The following PTPRG variants were observed in gnomAD, a reference collection of about 807,000 sequenced individuals.
PTPRG encodes the protein protein tyrosine phosphatase receptor type G.
In PTPRG, 102 loss-of-function variants were observed where a neutral mutation model predicts 165.3. That is an observed-to-expected ratio of 0.62 (90% CI 0.53 to 0.73). The LOEUF is 0.73. PTPRG is among the 30% of genes least tolerant of loss of function. The pLI, the probability that PTPRG is intolerant of heterozygous loss-of-function variation, is 0.00. For missense variants in PTPRG, 1,866 were observed against 1,861.4 expected, an observed-to-expected ratio of 1.00 and a Z score of -0.05; for synonymous variants, 675 against 669.5, an observed-to-expected ratio of 1.01 and a Z score of -0.13.
intron 2 of PTPRG, among the ~76,000 whole-genome samples, chr3:61,885,056 G>A (rs1344477416): frequency 6.6e-6 from 1 of 152,110 alleles, no homozygotes; most frequent in Non-Finnish European, 1.5e-5. Flanking sequence ...TTCATTGTCG[G>A]CTGTAGTAAA....
intron 6 of PTPRG, among the ~76,000 whole-genome samples, chr3:62,135,270 CAAAAAAAA>C (rs527679334): frequency 1.2e-5 from 1 of 81,122 alleles, no homozygotes; most frequent in Admixed American, 1.3e-4. Context: ...GATTCTGTCT[CAAAAAAAA>C]AAAAAAAAGA....
chr3:62,292,391 G>A (rs201805445), intron 28 of PTPRG, 30 bp from the exon 29 acceptor site: 7 of 1,599,550 alleles, frequency 4.4e-6, no homozygotes, highest in Non-Finnish European at 6.0e-6. Flanking sequence ...TTGTACATCT[G>A]AAATCGTATC....
intron 26 of PTPRG, 118 bp from the exon 27 acceptor site, chr3:62,281,445 G>C (rs1702433402): frequency 3.6e-6 from 3 of 839,366 alleles, no homozygotes; most frequent in African/African-American, 1.8e-5. Flanking sequence ...TAACTCTTAT[G>C]AATTCAGTTT....
chr3:61,951,796 T>C (rs2039905157), intron 2 of PTPRG, among the ~76,000 whole-genome samples: 1 of 152,182 alleles, frequency 6.6e-6, no homozygotes, highest in Non-Finnish European at 1.5e-5. Flanking sequence ...CTGACTGGTA[T>C]TAGCAAGTAA....
intron 3 of PTPRG, among the ~76,000 whole-genome samples, chr3:62,000,676 C>T (rs899653430): frequency 2.6e-5 from 4 of 152,342 alleles, no homozygotes; most frequent in African/African-American, 9.6e-5. Flanking sequence ...CCCGCTCTTC[C>T]TATTGTCCCT....
At chr3:61,927,046 A>T (rs1239158225) in intron 2 of PTPRG, among the ~76,000 whole-genome samples, 1 of 152,212 alleles carries the variant, frequency 6.6e-6, no homozygotes, top group Non-Finnish European at 1.5e-5. Flanking sequence ...CTGCATGAGT[A>T]CATATGACTG....
At chr3:62,139,349 CTCGGGAGGCTG>C (rs1215111802) in intron 6 of PTPRG, among the ~76,000 whole-genome samples, 4 of 152,060 alleles carry the variant, frequency 2.6e-5, no homozygotes, top group Non-Finnish European at 5.9e-5. Context: ...ATCTTAGCTA[CTCGGGAGGCTG>C]AGGCAGGAGA....
At chr3:61,607,606 CAG>C (rs1374045478) in intron 1 of PTPRG, among the ~76,000 whole-genome samples, 1 of 152,130 alleles carries the variant, frequency 6.6e-6, no homozygotes, top group Non-Finnish European at 1.5e-5. Context: ...GCAAAGATAA[CAG>C]AGTGGCTACA....
At chr3:61,815,341 T>G (rs529616052) in intron 2 of PTPRG, among the ~76,000 whole-genome samples, 2 of 151,346 alleles carry the variant, frequency 1.3e-5, no homozygotes, top group Admixed American at 1.3e-4. Context: ...GCCTGGGAGG[T>G]GGAGGTTGCA....
intron 1 of PTPRG, among the ~76,000 whole-genome samples, chr3:61,663,944 C>T (rs921556533): frequency 1.3e-5 from 2 of 152,134 alleles, no homozygotes; most frequent in Admixed American, 1.3e-4. Flanking sequence ...CACGGACTGG[C>T]TGTGGTCTGT....
rs565961396 is a variant in PTPRG at position 62,203,905 on chromosome 3, G to A, written c.2110G>A (p.Gly704Arg). 23 of 1,602,356 alleles carry A rather than the reference G, an allele frequency of 1.4e-5. No homozygotes were observed. Among genetic ancestry groups the A allele is most frequent in the African/African-American group, 2.7e-5 (2 of 74,586 alleles). Residue 704 changes from glycine (G) to arginine (R), a missense_variant, in exon 12 of 30, where the codon GGG (glycine) becomes AGG (arginine). Coordinates refer to ENST00000474889, the MANE Select transcript of PTPRG (RefSeq NM_002841.4). This position sits in a 1 kb window ranked among gnomAD's most constrained non-coding sequence, Gnocchi z 6.4. ...EMPSKKPMSR[G>R]DRFSEDSRFI... ...GCCATCTAAAAAGCCTATGTCCCGC[G>A]GGGACCGATTTTCTGAAGACAGCAG...
At chr3:61,670,659 G>C (rs1356091381) in intron 1 of PTPRG, among the ~76,000 whole-genome samples, 1 of 152,180 alleles carries the variant, frequency 6.6e-6, no homozygotes, top group Non-Finnish European at 1.5e-5. Flanking sequence ...CCAGCTATGG[G>C]AGGCAGAGTT....
intron 28 of PTPRG, among the ~76,000 whole-genome samples, chr3:62,287,454 A>G (rs1702708228): frequency 6.6e-6 from 1 of 152,190 alleles, no homozygotes; most frequent in African/African-American, 2.4e-5. Context: ...AAGAACATTT[A>G]TTATGAAATA....
At chr3:62,192,680 G>C (rs1699867430) in intron 9 of PTPRG, among the ~76,000 whole-genome samples, 1 of 151,920 alleles carries the variant, frequency 6.6e-6, no homozygotes, top group Non-Finnish European at 1.5e-5. Flanking sequence ...CAAAGTGCTG[G>C]GATTACAGGC....
At chr3:61,566,649 A>G (rs936099875) in intron 1 of PTPRG, among the ~76,000 whole-genome samples, 6 of 152,210 alleles carry the variant, frequency 3.9e-5, no homozygotes, top group Non-Finnish European at 8.8e-5. Flanking sequence ...CTGAGTCTAC[A>G]GGCACGTGCC....
intron 1 of PTPRG, chr3:61,743,202 T>G: frequency 4.2e-6 from 3 of 717,612 alleles, no homozygotes; most frequent in South Asian, 3.0e-5. Flanking sequence ...TCAGTAGAAG[T>G]TCTGAGAAGA....
At chr3:62,087,891 G>T (rs1022833613) in intron 5 of PTPRG, among the ~76,000 whole-genome samples, 1 of 152,002 alleles carries the variant, frequency 6.6e-6, no homozygotes, top group Non-Finnish European at 1.5e-5. Flanking sequence ...TACAATCTTC[G>T]ATCCTAAATT....
chr3:62,189,845 T>C (rs956033775), intron 8 of PTPRG, among the ~76,000 whole-genome samples: 1 of 152,214 alleles, frequency 6.6e-6, no homozygotes, highest in Non-Finnish European at 1.5e-5. Flanking sequence ...AGTTCAAATC[T>C]GGCCCCAAGG....
At chr3:62,244,324 ACTTTT>A (rs1701240605) in intron 15 of PTPRG, among the ~76,000 whole-genome samples, 1 of 152,204 alleles carries the variant, frequency 6.6e-6, no homozygotes, top group African/African-American at 2.4e-5. Flanking sequence ...TGGATATTTC[ACTTTT>A]CTTCTAGTAA....
Sources: allele counts gnomAD v4.1 joint callset (sites outside exome capture counted in the v4.1 genomes callset), GRCh38; gene constraint gnomAD v4.1.1; non-coding constraint Gnocchi (gnomAD v3.1); transcripts MANE v1.5; gene names NCBI Gene and HGNC (gene_info 2026-07-23, HGNC 2026-07-21).